WBP2NL: variants seen among roughly 807,000 people sequenced by gnomAD.
WBP2NL encodes postacrosomal sheath WW domain-binding protein.
A neutral mutation model predicts 23.3 loss-of-function variants in WBP2NL; 27 were observed. The observed-to-expected ratio is 1.16, with a 90% CI of 0.85 to 1.60. The LOEUF (loss-of-function observed/expected upper bound fraction) is 1.60, where lower values mean the gene tolerates loss of function less well. Among genes scored for constraint, WBP2NL ranks in the 40% most tolerant of loss-of-function variants. The pLI is 0.00. For missense variants in WBP2NL, 370 were observed against 389.5 expected, an observed-to-expected ratio of 0.95 and a Z score of 0.42; for synonymous variants, 151 against 145.9, an observed-to-expected ratio of 1.03 and a Z score of -0.25.
intron 8 of WBP2NL, among the ~76,000 whole-genome samples, chr22:42,043,973 C>G (rs1209480129): frequency 6.6e-6 from 1 of 152,208 alleles, no homozygotes; most frequent in African/African-American, 2.4e-5. Flanking sequence ...GTGATCCACC[C>G]ACCTTGGCCT....
In WBP2NL at chr22:42,017,722, G is replaced by A. The variant is rs1923443366; in HGVS notation, c.63-1589G>A. On this transcript the variant is annotated intron_variant, in intron 1 of 5. Transcript: ENST00000328823. The stretch of plus-strand genomic sequence containing the variant: ...TTACATATATCATTAAGAAAGAAAA[G>A]GCTGGGGGACTGGGTATGGTGGCGC... Among the ~76,000 whole-genome samples, 2 of 152,058 alleles carry A rather than the reference G, an allele frequency of 1.3e-5. 1 individual carries two copies. Among genetic ancestry groups the A allele is most frequent in the South Asian group, 4.1e-4 (2 of 4,828 alleles).
At chr22:42,022,015 G>A (rs1358987279) in intron 4 of WBP2NL, among the ~76,000 whole-genome samples, 2 of 151,980 alleles carry the variant, frequency 1.3e-5, no homozygotes, top group African/African-American at 4.8e-5. Context: ...GCCCAGGCTG[G>A]TCTTGAACTC....
downstream of WBP2NL, among the ~76,000 whole-genome samples, chr22:42,035,762 C>G (rs1338828608): frequency 1.3e-5 from 2 of 152,122 alleles, no homozygotes; most frequent in Non-Finnish European, 2.9e-5. Flanking sequence ...ATTAACATAT[C>G]TATTACCTGT....
In WBP2NL at chr22:42,027,891, G is replaced by A. The variant is rs898922070; in HGVS notation, c.*710G>A. 4.0e-5 allele frequency: 16 copies of A among 398,100 alleles called. No individual in the cohort carries two copies. Among genetic ancestry groups the A allele is most frequent in the African/African-American group, 2.1e-4 (10 of 48,576 alleles). The allele number at this position is 398,100 out of a possible 1,614,324, so 24.7% of individuals were successfully genotyped here. ...CAAAATGACAGAAATATGAATTGCCGAATAACCAAGGCAATAGCATGGCCA... is the reference window on the plus strand; with the variant it reads ...CAAAATGACAGAAATATGAATTGCCAAATAACCAAGGCAATAGCATGGCCA... On this transcript the variant is annotated 3_prime_UTR_variant, in exon 6 of 6. Transcript: ENST00000328823.
chr22:42,012,004 T>C (rs1328286377), intron 1 of WBP2NL, among the ~76,000 whole-genome samples: 1 of 152,054 alleles, frequency 6.6e-6, no homozygotes. Flanking sequence ...CTCAAACTCC[T>C]GGCCTCAAGT....
chr22:42,040,160 G>T (rs998319433), intron 8 of WBP2NL, among the ~76,000 whole-genome samples: 1 of 151,642 alleles, frequency 6.6e-6, no homozygotes, highest in South Asian at 2.1e-4. Flanking sequence ...TGATCCACCC[G>T]CCTTGGCCTC....
intron 8 of WBP2NL, among the ~76,000 whole-genome samples, chr22:42,043,045 A>C (rs1925456322): frequency 6.6e-6 from 1 of 150,476 alleles, no homozygotes; most frequent in South Asian, 2.1e-4. Flanking sequence ...AAAAAGGAGA[A>C]GAAGCAATCC....
At chr22:42,041,024 T>C (rs1925381815) in intron 8 of WBP2NL, among the ~76,000 whole-genome samples, 1 of 152,252 alleles carries the variant, frequency 6.6e-6, no homozygotes, top group African/African-American at 2.4e-5. Context: ...ACTATTAAAT[T>C]GTTTTTAACC....
intron 1 of WBP2NL, among the ~76,000 whole-genome samples, chr22:42,018,709 C>T (rs995526210): frequency 1.3e-5 from 2 of 151,722 alleles, no homozygotes; most frequent in Admixed American, 6.6e-5. Flanking sequence ...TTACACTTAC[C>T]GCACAAGAAG....
intron 1 of WBP2NL, among the ~76,000 whole-genome samples, chr22:42,018,710 G>A (rs1319778243): frequency 6.6e-6 from 1 of 151,990 alleles, no homozygotes; most frequent in East Asian, 1.9e-4. Flanking sequence ...TACACTTACC[G>A]CACAAGAAGT....
intron 1 of WBP2NL, among the ~76,000 whole-genome samples, chr22:42,013,740 G>T (rs1280235947): frequency 6.6e-6 from 1 of 152,012 alleles, no homozygotes; most frequent in Admixed American, 6.6e-5. Context: ...CTCCTGAGTA[G>T]CTGGGGCTAC....
downstream of WBP2NL, chr22:42,030,038 TG>T (rs1007352204): frequency 2.0e-5 from 3 of 152,240 alleles, no homozygotes; most frequent in Non-Finnish European, 4.4e-5. Flanking sequence ...TAGATATTAA[TG>T]GGTTTTATGT....
At chr22:42,014,338 A>T (rs1256924005) in intron 1 of WBP2NL, among the ~76,000 whole-genome samples, 1 of 151,844 alleles carries the variant, frequency 6.6e-6, no homozygotes, top group Non-Finnish European at 1.5e-5. Context: ...CAATCCTCCC[A>T]CCTCAGTGTC....
At chr22:42,056,469 G>A (rs2146828616) in intron 8 of WBP2NL, among the ~76,000 whole-genome samples, 1 of 152,186 alleles carries the variant, frequency 6.6e-6, no homozygotes, top group South Asian at 2.1e-4. Context: ...CCATTTACTG[G>A]TGCTCTTTAT....
chr22:42,018,422 AAAAGG>A (rs1000943498), intron 1 of WBP2NL, among the ~76,000 whole-genome samples: 5 of 144,666 alleles, frequency 3.5e-5, no homozygotes, highest in Admixed American at 6.7e-5. Context: ...AAGGAAAGTC[AAAAGG>A]AAAGGAAAGA....
chr22:42,041,431 G>C (rs753211758), intron 8 of WBP2NL, among the ~76,000 whole-genome samples: 4 of 147,202 alleles, frequency 2.7e-5, no homozygotes, highest in Non-Finnish European at 4.4e-5. Context: ...ACAGTGAGCC[G>C]AGATCATGCC....
chr22:42,024,749 C>T (rs1471315482), intron 5 of WBP2NL, among the ~76,000 whole-genome samples: 1 of 150,336 alleles, frequency 6.7e-6, no homozygotes, highest in East Asian at 1.9e-4. Context: ...AAATCCTTGT[C>T]AGATATATTA....
intron 8 of WBP2NL, among the ~76,000 whole-genome samples, chr22:42,057,865 G>GTATATA (rs59053683): frequency 3.4e-5 from 2 of 59,672 alleles, no homozygotes; most frequent in African/African-American, 1.7e-4. Flanking sequence ...ATGTGTGTGT[G>GTATATA]TATGTATATA....
chr22:42,010,547 C>CT (rs899183883), intron 1 of WBP2NL, among the ~76,000 whole-genome samples: 56 of 150,036 alleles, frequency 3.7e-4, no homozygotes, highest in Non-Finnish European at 6.4e-4. Flanking sequence ...TCTTTTTTTT[C>CT]TTTTTTTTTG....
Sources: gnomAD v4.1 joint callset for allele counts (sites outside exome capture counted in the v4.1 genomes callset) on GRCh38, gnomAD v4.1.1 for gene constraint, MANE v1.5 for transcripts, NCBI Gene and HGNC (gene_info 2026-07-23, HGNC 2026-07-21) for gene names.